Variants in MFSD12 observed in about 807,000 individuals in gnomAD.
MFSD12 encodes major facilitator superfamily domain-containing protein 12.
In MFSD12, 67 loss-of-function variants were observed where a neutral mutation model predicts 51.2. That is an observed-to-expected ratio of 1.31 (90% CI 1.08 to 1.60). MFSD12 has a LOEUF of 1.60. Ranked by LOEUF, MFSD12 falls within the 40% of genes most tolerant of loss-of-function variation. The pLI is 0.00. For synonymous variants in MFSD12, 441 were observed against 316.7 expected (o/e 1.39, Z -4.17); for missense variants, 921 against 673.0 (o/e 1.37, Z -4.08).
chr19:3,543,350 C>T (rs1338811540), downstream of MFSD12: 4 of 1,549,538 alleles, frequency 2.6e-6, no homozygotes, highest in Non-Finnish European at 3.5e-6. Context: ...GTACACAGGC[C>T]TGACCAACTC....
chr19:3,551,187 G>C lies in MFSD12; in HGVS notation c.306C>G (p.Val102=). 1 of 1,605,000 alleles carries C rather than the reference G, an allele frequency of 6.2e-7. No individual in the cohort carries two copies. The highest frequency in any genetic ancestry group is 8.5e-7 in the Non-Finnish European group (1 of 1,175,854). Residue 102 remains valine (V), a synonymous_variant, in exon 2 of 10, where the codon GTC becomes GTG. Transcript: ENST00000355415. The surrounding 1 kb of genome is among the most constrained non-coding windows in gnomAD (Gnocchi z 4.6). ...TGAAGGGGAAGGACAGCAGGACGCA[G>C]ACGGTGCCTGTGGAAGGCAGAGTGG... is the stretch of plus-strand genomic sequence containing the variant. The part of the protein sequence containing the change: ...PRKAWHLVGT[V]CVLLSFPFIF...
chr19:3,555,147 C>T (rs1166701320), intron 1 of MFSD12, among the ~76,000 whole-genome samples: 1 of 152,186 alleles, frequency 6.6e-6, no homozygotes, highest in African/African-American at 2.4e-5. Flanking sequence ...GACAGACTCT[C>T]GCTGTGTCTG....
chr19:3,551,103 G>A lies in MFSD12; in HGVS notation c.390C>T (p.Tyr130=). 1 of 1,613,156 alleles carries A rather than the reference G, an allele frequency of 6.2e-7. No individual in the cohort carries two copies. Among genetic ancestry groups the A allele is most frequent in the South Asian group, 1.1e-5 (1 of 91,074 alleles). Residue 130 remains tyrosine (Y), a synonymous_variant, in exon 2 of 10, where the codon TAC becomes TAT. Coordinates refer to ENST00000355415, the MANE Select transcript of MFSD12 (RefSeq NM_174983.5). The surrounding 1 kb of genome is among the most constrained non-coding windows in gnomAD (Gnocchi z 4.6). ...GGAAGATCACGATGAACGGGCCGTA[G>A]TAGAGGAGGGCAGCCCACTCGGGCG... The part of the protein sequence containing the change: ...AATPEWAALL[Y]YGPFIVIFQF...
rs770399508 is a variant in MFSD12, at chr19:3,546,049, T to C, written c.1289+25A>G. ...AATCCCCTCTTACTGAACAAAAGAA[T>C]GAATGAACGAACAGCGGCACTCACG... On this transcript the variant is annotated intron_variant, in intron 8 of 9. Coordinates refer to ENST00000355415, the MANE Select transcript of MFSD12 (RefSeq NM_174983.5). The C allele has an allele frequency of 6.8e-6, 11 of 1,610,600 alleles. No homozygotes were observed. The East Asian group carries it at 2.5e-4, about 36-fold the overall frequency.
downstream of MFSD12, chr19:3,542,523 G>C (rs965827382): frequency 2.2e-6 from 2 of 926,648 alleles, no homozygotes; most frequent in Admixed American, 6.2e-5. Context: ...GCCCAGGCTG[G>C]AGTGCAAGGG....
In MFSD12 at chr19:3,547,525, G is replaced by T. The variant is rs751962915; in HGVS notation, c.860C>A (p.Thr287Asn). Residue 287 changes from threonine to asparagine, a missense_variant, in exon 5 of 10, where the codon ACC becomes AAC. Transcript: ENST00000355415. ...FYQVGILYMT[T>N]RLIVNLSQTY... ...CTGGGACAGGTTCACGATGAGCCTG[G>T]TGGTCATGTACAGTATGCCCACCTG... is the stretch of plus-strand genomic sequence containing the variant. 6.2e-7 allele frequency: 1 copy of T among 1,612,338 alleles called. No individual in the cohort carries two copies. Among genetic ancestry groups the T allele is most frequent in the Non-Finnish European group, 8.5e-7 (1 of 1,179,586 alleles).
chr19:3,543,092 A>G, downstream of MFSD12: 1 of 1,558,902 alleles, frequency 6.4e-7, no homozygotes, highest in South Asian at 1.2e-5. Flanking sequence ...TACAGGGCTG[A>G]AGGACAGACT....
At chr19:3,543,491 C>T (rs922551667), downstream of MFSD12, 35 of 1,515,998 alleles carry the variant, frequency 2.3e-5, no homozygotes, top group Middle Eastern at 2.3e-4. Context: ...CCCCCCCCCC[C>T]GCCCTGGGCA....
intron 6 of MFSD12, among the ~76,000 whole-genome samples, chr19:3,546,974 C>T (rs902802207): frequency 6.6e-5 from 10 of 152,180 alleles, no homozygotes; most frequent in African/African-American, 2.2e-4. Flanking sequence ...GCTGGGACTA[C>T]AGGCACCCGC....
At chr19:3,548,403 C>A in intron 2 of MFSD12, 136 bp from the exon 3 acceptor site, 2 of 1,220,910 alleles carry the variant, frequency 1.6e-6, no homozygotes, top group Non-Finnish European at 2.2e-6. Flanking sequence ...CACTGGGTGG[C>A]CTCCAGGAAG....
In MFSD12 at chr19:3,544,847, A is replaced by T; in HGVS notation, c.1382T>A (p.Leu461His). The T allele has an allele frequency of 6.2e-7, 1 of 1,612,430 alleles. No individual in the cohort carries two copies. The change falls in exon 9 of 10, where the codon CTC (leucine) becomes CAC (histidine). Residue 461 changes from leucine (L) to histidine (H), a missense_variant. Leu to His is a moderately conservative substitution (Grantham distance 99, BLOSUM62 -3). Transcript: ENST00000355415. ...GGVGVAAALCLCSLLLWPTRL... is the reference protein window; with the variant it reads ...GGVGVAAALCHCSLLLWPTRL... Reference sequence around the variant, plus strand: ...GGTCGGCCACAGCAGGAGGCTACAGAGACACAGGGCAGCGGCCACGCCCAC... The same window carrying T: ...GGTCGGCCACAGCAGGAGGCTACAGTGACACAGGGCAGCGGCCACGCCCAC...
chr19:3,555,031 A>G (rs1334113495), intron 1 of MFSD12, among the ~76,000 whole-genome samples: 2 of 152,104 alleles, frequency 1.3e-5, no homozygotes, highest in Non-Finnish European at 2.9e-5. Context: ...GTCCGGTTGG[A>G]CCACCTGGTT....
chr19:3,546,564 G>C (rs560519309), intron 6 of MFSD12, 139 bp from the exon 7 acceptor site: 2 of 1,009,226 alleles, frequency 2.0e-6, no homozygotes, highest in African/African-American at 3.3e-5. Flanking sequence ...CTCTGGCCCT[G>C]GACACAACAC....
At position 3,557,495 on chromosome 19, in the gene MFSD12, A is replaced by G; in HGVS notation, c.-92T>C. The G allele has an allele frequency of 1.3e-6, 1 of 781,016 alleles. No homozygotes were observed. Among genetic ancestry groups the G allele is most frequent in the South Asian group, 6.3e-5 (1 of 15,940 alleles). 48.4% of individuals were successfully genotyped at this position (781,016 alleles called of 1,614,324 possible). ...GGTGCCGTGGGGGCAGGCGCCGGGG[A>G]CCCCCACCACGCGCCGGGCACCCCG... is the stretch of plus-strand genomic sequence containing the variant. On this transcript the variant is annotated 5_prime_UTR_variant, in exon 1 of 10. Transcript: ENST00000355415.
At chr19:3,543,171 C>A (rs1437323572), downstream of MFSD12, 5 of 1,520,846 alleles carry the variant, frequency 3.3e-6, no homozygotes, top group Non-Finnish European at 4.4e-6. Context: ...TGGCAGACAT[C>A]GCAAAGGGGT....
chr19:3,545,145 C>T (rs1474279556), intron 8 of MFSD12, among the ~76,000 whole-genome samples: 1 of 152,168 alleles, frequency 6.6e-6, no homozygotes, highest in African/African-American at 2.4e-5. Flanking sequence ...ATGCCAAATC[C>T]ACCATGTCTC....
chr19:3,542,107 G>C, downstream of MFSD12: 1 of 985,274 alleles, frequency 1.0e-6, no homozygotes, highest in South Asian at 4.7e-5. Context: ...ACTGCGCCCA[G>C]ACAATTTTGT....
At chr19:3,550,453 G>A (rs901329473) in intron 2 of MFSD12, among the ~76,000 whole-genome samples, 3 of 151,556 alleles carry the variant, frequency 2.0e-5, no homozygotes, top group African/African-American at 4.8e-5. Flanking sequence ...GTGCAGTGGC[G>A]CTATCTTGGC....
downstream of MFSD12, chr19:3,543,193 C>G: frequency 6.5e-7 from 1 of 1,530,462 alleles, no homozygotes; most frequent in Non-Finnish European, 8.8e-7. Flanking sequence ...AAAGCACTCG[C>G]TGTAGACATG....
Sources: gnomAD v4.1 joint callset for allele counts (sites outside exome capture counted in the v4.1 genomes callset) on GRCh38, gnomAD v4.1.1 for gene constraint, Gnocchi (gnomAD v3.1) non-coding constraint, MANE v1.5 for transcripts, NCBI Gene and HGNC (gene_info 2026-07-23, HGNC 2026-07-21) for gene names.